Variants in USP54 observed in about 807,000 individuals in gnomAD.
USP54 encodes ubiquitin specific peptidase 54.
USP54 carries 87 observed loss-of-function variants against 170.5 expected under a neutral mutation model. The ratio of observed to expected loss-of-function variants is 0.51; its 90% CI spans 0.43 to 0.61. The LOEUF is 0.61. USP54 is among the 20% of genes least tolerant of loss of function. USP54 has a pLI of 0.00. For missense variants in USP54, 1,786 were observed against 2,047.8 expected, an observed-to-expected ratio of 0.87 and a Z score of 2.47; for synonymous variants, 655 against 742.8, an observed-to-expected ratio of 0.88 and a Z score of 1.92.
intron 1 of USP54, among the ~76,000 whole-genome samples, chr10:73,609,174 C>T (rs2079925236): frequency 6.6e-6 from 1 of 152,258 alleles, no homozygotes; most frequent in Non-Finnish European, 1.5e-5. Flanking sequence ...TCCTAAATAC[C>T]CTTCTGATCT....
intron 1 of USP54, among the ~76,000 whole-genome samples, chr10:73,589,279 G>T (rs527728180): frequency 6.6e-6 from 1 of 152,048 alleles, no homozygotes; most frequent in African/African-American, 2.4e-5. Flanking sequence ...AAATCATATC[G>T]CATCTAAATC....
rs768148645 is a variant in USP54 at position 73,505,454 on chromosome 10, G to A, written c.4052-28C>T. 8 of 1,601,108 alleles carry A rather than the reference G, an allele frequency of 5.0e-6. No individual in the cohort carries two copies. In the South Asian group the frequency reaches 8.8e-5, roughly 18 times the overall value. ...GAAGAGGAAAACACAAATACAAGTT[G>A]AGGCCATCTCTTCCCCTAGGGCCTA... On this transcript the variant is annotated intron_variant, in intron 20 of 23. Coordinates refer to ENST00000687698, the MANE Select transcript of USP54 (RefSeq NM_001391956.1).
rs1259295865 is a variant in USP54, at chr10:73,534,606, C to T, written c.1309G>A (p.Asp437Asn). ...ENDSMSQSSR[D>N]TGHLTDSECN... is the part of the protein sequence containing the mutation. ...CCTCTGTATAAGTCCCTACCTGTGT[C>T]CCGACTGCTCTGAGACATGGAATCA... is the stretch of plus-strand genomic sequence containing the variant. The change falls in exon 12 of 24, where the codon GAC becomes AAC. Residue 437 changes from aspartate to asparagine, a missense_variant. By Grantham distance (23) the Asp-to-Asn change is conservative. This residue lies in a region of USP54 where 1,418 missense variants were observed against 1,569.0 expected (regional missense o/e 0.90). Transcript: ENST00000687698. 3 of 1,613,770 alleles carry T rather than the reference C, an allele frequency of 1.9e-6. No individual in the cohort carries two copies. The highest frequency in any genetic ancestry group is 4.5e-5 in the East Asian group (2 of 44,868).
At chr10:73,500,018 C>T (rs2057751577) in intron 23 of USP54, 1 of 152,188 alleles carries the variant, frequency 6.6e-6, no homozygotes, top group African/African-American at 2.4e-5. Flanking sequence ...TGAGGACATC[C>T]CTGGCCTCTA....
intron 4 of USP54, 130 bp from the exon 5 acceptor site, chr10:73,545,802 T>A: frequency 2.0e-6 from 2 of 993,066 alleles, no homozygotes; most frequent in Non-Finnish European, 2.9e-6. Context: ...TGGGTTGACA[T>A]GCTTGCAGTT....
chr10:73,571,799 C>T (rs541454660), intron 3 of USP54, among the ~76,000 whole-genome samples: 131 of 152,092 alleles, frequency 8.6e-4, no homozygotes, highest in African/African-American at 2.8e-3. Context: ...AGGAAATTTA[C>T]GGGTTAAAGC....
rs762146669 is a variant in USP54 at position 73,541,755 on chromosome 10, A to G, written c.573-17T>C. The G allele has an allele frequency of 1.2e-5, 19 of 1,609,760 alleles. No homozygotes were observed. The highest frequency in any genetic ancestry group is 1.5e-5 in the Non-Finnish European group (18 of 1,176,240). On this transcript the variant is annotated splice_polypyrimidine_tract_variant and intron_variant, in intron 7 of 23. Transcript: ENST00000687698. Reference sequence around the variant, plus strand: ...GCCTGATTGCTTCAAGATGGGGAATAGAAGGGGGATGATGGTTTGTATTTA... The same window carrying G: ...GCCTGATTGCTTCAAGATGGGGAATGGAAGGGGGATGATGGTTTGTATTTA...
chr10:73,606,875 T>A (rs2079681536), intron 1 of USP54, among the ~76,000 whole-genome samples: 1 of 120,694 alleles, frequency 8.3e-6, no homozygotes, highest in African/African-American at 3.2e-5. Context: ...CGAGACAATA[T>A]CTCAAAAAAA....
chr10:73,526,467 G>A (rs1271997602), intron 16 of USP54, among the ~76,000 whole-genome samples, 180 bp downstream of exon 16: 2 of 152,070 alleles, frequency 1.3e-5, no homozygotes, highest in African/African-American at 4.8e-5. Context: ...GGCTGGTCAC[G>A]AACTCCTGAG....
At chr10:73,564,258 C>T in intron 4 of USP54, among the ~76,000 whole-genome samples, 1 of 152,210 alleles carries the variant, frequency 6.6e-6, no homozygotes, top group East Asian at 1.9e-4. Context: ...ACCTTGGCCT[C>T]CCAGAGTGCT....
chr10:73,516,077 C>T (rs2061028722), intron 20 of USP54, among the ~76,000 whole-genome samples: 1 of 151,898 alleles, frequency 6.6e-6, no homozygotes, highest in Admixed American at 6.6e-5. Flanking sequence ...CCACCGTGCC[C>T]GGCCCTGAAC....
At chr10:73,625,112 T>G (rs2081415444) in intron 1 of USP54, among the ~76,000 whole-genome samples, 1 of 152,094 alleles carries the variant, frequency 6.6e-6, no homozygotes, top group Non-Finnish European at 1.5e-5. Flanking sequence ...CTTGAATGAG[T>G]CTGGGAAGAA....
At chr10:73,584,775 T>G (rs1161707745) in intron 1 of USP54, among the ~76,000 whole-genome samples, 1 of 152,200 alleles carries the variant, frequency 6.6e-6, no homozygotes, top group African/African-American at 2.4e-5. Flanking sequence ...AACCGACCAT[T>G]GAGACCCGTA....
At chr10:73,517,768 T>C in intron 19 of USP54, 21 bp from the exon 20 acceptor site, 1 of 1,592,468 alleles carries the variant, frequency 6.3e-7, no homozygotes, top group Non-Finnish European at 8.6e-7. Flanking sequence ...TGGAGAGAGC[T>C]AGTCATAAGC....
intron 1 of USP54, among the ~76,000 whole-genome samples, chr10:73,584,535 T>C (rs972577990): frequency 2.0e-5 from 3 of 152,214 alleles, no homozygotes; most frequent in East Asian, 1.9e-4. Flanking sequence ...CAGAGCTAAA[T>C]GTGCGCAGAA....
At chr10:73,523,804 C>T (rs2062325725) in intron 16 of USP54, 54 bp from the exon 17 acceptor site, 3 of 1,511,064 alleles carry the variant, frequency 2.0e-6, no homozygotes, top group South Asian at 1.3e-5. Flanking sequence ...AGACTAAGTA[C>T]TTGATGAATT....
intron 3 of USP54, among the ~76,000 whole-genome samples, chr10:73,572,004 T>C (rs1346841855): frequency 6.6e-6 from 1 of 152,216 alleles, no homozygotes; most frequent in Non-Finnish European, 1.5e-5. Flanking sequence ...ATGATTTTTA[T>C]ACTTTTGTTG....
intron 1 of USP54, among the ~76,000 whole-genome samples, chr10:73,608,888 G>T (rs2079902041): frequency 6.6e-6 from 1 of 152,214 alleles, no homozygotes; most frequent in African/African-American, 2.4e-5. Flanking sequence ...CAGGGGGACA[G>T]AGTGAGACTT....
At chr10:73,504,552 A>C (rs929758424) in intron 22 of USP54, 3 of 427,502 alleles carry the variant, frequency 7.0e-6, no homozygotes, top group Admixed American at 7.2e-5. Flanking sequence ...GTGGGTTCTG[A>C]CCCAATCAGC....
Sources: gnomAD v4.1 joint callset for allele counts (sites outside exome capture counted in the v4.1 genomes callset) on GRCh38, gnomAD v4.1.1 for gene constraint, gnomAD v4.1.1 regional missense constraint, MANE v1.5 for transcripts, NCBI Gene and HGNC (gene_info 2026-07-23, HGNC 2026-07-21) for gene names.